The following LTBP2 variants were observed in gnomAD, a reference collection of about 807,000 sequenced individuals.
The protein encoded by LTBP2 is latent transforming growth factor beta binding protein 2, also known as latent-transforming growth factor beta-binding protein 2.
A neutral mutation model predicts 210.6 loss-of-function variants in LTBP2; 103 were observed. That is an observed-to-expected ratio of 0.49 (90% CI 0.42 to 0.58). The LOEUF (loss-of-function observed/expected upper bound fraction) is 0.58, where lower values mean the gene tolerates loss of function less well. Among genes scored for constraint, LTBP2 ranks in the 20% least tolerant of loss-of-function variants. The pLI, the probability that LTBP2 is intolerant of heterozygous loss-of-function variation, is 0.00. For synonymous variants in LTBP2, 1,007 were observed against 1,015.0 expected (o/e 0.99, Z 0.15); for missense variants, 2,313 against 2,494.5 (o/e 0.93, Z 1.55).
At chr14:74,568,503 G>C (rs1019230388) in intron 3 of LTBP2, among the ~76,000 whole-genome samples, 2 of 152,076 alleles carry the variant, frequency 1.3e-5, no homozygotes, top group Admixed American at 1.3e-4. Flanking sequence ...GTGCTGGCAT[G>C]GTGTTCAGGG....
At chr14:74,541,428 A>C (rs1471051391) in intron 8 of LTBP2, among the ~76,000 whole-genome samples, 1 of 152,178 alleles carries the variant, frequency 6.6e-6, no homozygotes, top group Non-Finnish European at 1.5e-5. Context: ...TAATGCTCAT[A>C]AGAGCCCTTG....
Position 74,508,611 on chromosome 14 carries a change from G to A in LTBP2, c.3645C>T (p.Ser1215=), listed in dbSNP as rs767484358. 17 of 1,607,602 alleles carry A rather than the reference G, an allele frequency of 1.1e-5. No individual in the cohort carries two copies. In the Admixed American group the frequency reaches 2.8e-4, roughly 27 times the overall value. Residue 1215 remains serine (S), a synonymous_variant, in exon 24 of 36, where the codon AGC becomes AGT. Coordinates refer to ENST00000261978, the MANE Select transcript of LTBP2 (RefSeq NM_000428.3). ...GCTGTGCTGGCTTCTCACCCTGGCA[G>A]CTGGTGCCCCCCTCTGCGCTGACGA... ...PGFVSAEGGT[S]CQDVDECATT...
At chr14:74,537,333 A>G (rs1380568864) in intron 8 of LTBP2, among the ~76,000 whole-genome samples, 1 of 152,252 alleles carries the variant, frequency 6.6e-6, no homozygotes, top group Non-Finnish European at 1.5e-5. Context: ...CTTTTGTGGA[A>G]CAAAAAGAGA....
chr14:74,568,208 C>T (rs2087928732), intron 3 of LTBP2, among the ~76,000 whole-genome samples: 1 of 152,200 alleles, frequency 6.6e-6, no homozygotes, highest in Non-Finnish European at 1.5e-5. Flanking sequence ...GGGTTCATCT[C>T]CTGCCTGGCA....
At position 74,566,609 on chromosome 14, in the gene LTBP2, G is replaced by T. The variant is rs889815194; in HGVS notation, c.831-10916C>A. ...GCCAAACCCCTGGGGACCTAAGATAGGGAGACGAGTAGGGACAGCATGTTC... is the reference window on the plus strand; with the variant it reads ...GCCAAACCCCTGGGGACCTAAGATATGGAGACGAGTAGGGACAGCATGTTC... On this transcript the variant is annotated intron_variant, in intron 3 of 35. Transcript: ENST00000261978. 2.6e-5 allele frequency among the ~76,000 whole-genome samples: 4 copies of T among 152,176 alleles called. No homozygotes were observed. The East Asian group carries it at 7.7e-4, about 29-fold the overall frequency.
intron 10 of LTBP2, among the ~76,000 whole-genome samples, chr14:74,530,236 T>C (rs1340082139): frequency 2.6e-5 from 4 of 152,234 alleles, no homozygotes; most frequent in African/African-American, 9.6e-5. Flanking sequence ...TCCATACCCC[T>C]GGTTACAGTG....
At chr14:74,572,327 G>GAC (rs2087992476) in intron 3 of LTBP2, among the ~76,000 whole-genome samples, 1 of 123,522 alleles carries the variant, frequency 8.1e-6, no homozygotes, top group African/African-American at 2.8e-5. Context: ...GTGTGTGAGA[G>GAC]AGAGAGAGAG....
intron 10 of LTBP2, among the ~76,000 whole-genome samples, chr14:74,531,086 G>T (rs971405528): frequency 6.6e-6 from 1 of 152,224 alleles, no homozygotes; most frequent in African/African-American, 2.4e-5. Flanking sequence ...GAACCCCAGG[G>T]TGGAGATGAC....
At chr14:74,567,409 G>C (rs1483163878) in intron 3 of LTBP2, among the ~76,000 whole-genome samples, 1 of 152,188 alleles carries the variant, frequency 6.6e-6, no homozygotes, top group Admixed American at 6.5e-5. Flanking sequence ...AGGCAAGAGA[G>C]CCAGAGCGAG....
chr14:74,521,211 A>T (rs558751743), intron 17 of LTBP2, among the ~76,000 whole-genome samples: 1 of 152,330 alleles, frequency 6.6e-6, no homozygotes, highest in Non-Finnish European at 1.5e-5. Context: ...CAGAACCAGC[A>T]ATGTGAGCCC....
chr14:74,528,472 A>T lies in LTBP2; in HGVS notation c.2368+11T>A, dbSNP rs1301947482. On this transcript the variant is annotated intron_variant, in intron 12 of 35. Coordinates refer to ENST00000261978, the MANE Select transcript of LTBP2 (RefSeq NM_000428.3). ...GGAAAATCCCTCAGGCATCTCCCCCAGCTCAGATACCCTTGTCAGGGATGG... is the reference window on the plus strand; with the variant it reads ...GGAAAATCCCTCAGGCATCTCCCCCTGCTCAGATACCCTTGTCAGGGATGG... The T allele has an allele frequency of 6.2e-7, 1 of 1,611,700 alleles. No individual in the cohort carries two copies. Among genetic ancestry groups the T allele is most frequent in the Non-Finnish European group, 8.5e-7 (1 of 1,179,970 alleles).
At chr14:74,534,229 A>G (rs1179642124) in intron 9 of LTBP2, among the ~76,000 whole-genome samples, 1 of 152,028 alleles carries the variant, frequency 6.6e-6, no homozygotes, top group Non-Finnish European at 1.5e-5. Context: ...GTTCCCTGTC[A>G]CTTCTTAGAG....
Position 74,501,561 on chromosome 14 carries a change from C to T in LTBP2, c.5200G>A (p.Ala1734Thr), listed in dbSNP as rs761570723. ...EPPAGFEGLQ[A>T]EECGILNGCE... Reference sequence around the variant, plus strand: ...CCGTTCAGGATGCCGCACTCCTCCGCCTGAAGCCCTTCGAAGCCGGCTGGG... The same window carrying T: ...CCGTTCAGGATGCCGCACTCCTCCGTCTGAAGCCCTTCGAAGCCGGCTGGG... Residue 1734 changes from alanine (A) to threonine (T), a missense_variant, in exon 35 of 36, where the codon GCG becomes ACG. By Grantham distance (58) the Ala-to-Thr change is moderately conservative. Transcript: ENST00000261978. 1.2e-6 allele frequency: 2 copies of T among 1,614,152 alleles called. No individual in the cohort carries two copies. Among genetic ancestry groups the T allele is most frequent in the Admixed American group, 3.3e-5 (2 of 60,018 alleles).
In LTBP2 at chr14:74,611,797, C is replaced by T. The variant is rs1014407298; in HGVS notation, c.148G>A (p.Ala50Thr). 13 of 1,611,028 alleles carry T rather than the reference C, an allele frequency of 8.1e-6. No homozygotes were observed. Among genetic ancestry groups the T allele is most frequent in the Non-Finnish European group, 1.1e-5 (13 of 1,179,626 alleles). The change falls in exon 1 of 36, where the codon GCG becomes ACG. Residue 50 changes from alanine (A) to threonine (T), a missense_variant. Ala to Thr is a moderately conservative substitution (Grantham distance 58). Transcript: ENST00000261978. ...VGRYEPAGGD[A>T]NRLRRPGGSY... ...CCCCCAGGGCGCCGCAGTCGATTCG[C>T]GTCTCCACCAGCCGGCTCGTATCTC...
intron 9 of LTBP2, 30 bp from the exon 10 acceptor site, chr14:74,532,578 C>A: frequency 6.2e-7 from 1 of 1,612,760 alleles, no homozygotes; most frequent in Non-Finnish European, 8.5e-7. Context: ...GACCAAGTGC[C>A]CGCCCCACGG....
At chr14:74,508,431 G>C (rs866421960) in intron 24 of LTBP2, among the ~76,000 whole-genome samples, 173 bp downstream of exon 24, 4 of 152,054 alleles carry the variant, frequency 2.6e-5, no homozygotes, top group African/African-American at 9.7e-5. Context: ...ATCACTCCTC[G>C]CTCCCATCTT....
At chr14:74,575,318 G>C (rs1313704261) in intron 3 of LTBP2, among the ~76,000 whole-genome samples, 2 of 152,250 alleles carry the variant, frequency 1.3e-5, no homozygotes, top group African/African-American at 4.8e-5. Flanking sequence ...CCTTTCAGGG[G>C]AACCTCGAAG....
intron 2 of LTBP2, among the ~76,000 whole-genome samples, chr14:74,590,804 A>G (rs2088272421): frequency 6.6e-6 from 1 of 152,026 alleles, no homozygotes; most frequent in Non-Finnish European, 1.5e-5. Flanking sequence ...GGGTATGAAA[A>G]GGCATACAGA....
chr14:74,604,049 C>G (rs566090851), intron 1 of LTBP2, among the ~76,000 whole-genome samples: 9 of 151,450 alleles, frequency 5.9e-5, no homozygotes, highest in Middle Eastern at 7.0e-3. Context: ...TAATAAGCCA[C>G]TTCAGAGAGG....
Sources: gnomAD v4.1 joint callset for allele counts (sites outside exome capture counted in the v4.1 genomes callset) on GRCh38, gnomAD v4.1.1 for gene constraint, MANE v1.5 for transcripts, NCBI Gene and HGNC (gene_info 2026-07-23, HGNC 2026-07-21) for gene names.